Variants in ARHGEF9 observed in about 807,000 individuals in gnomAD.
ARHGEF9 encodes Cdc42 guanine nucleotide exchange factor 9, also known as rho guanine nucleotide exchange factor 9.
A neutral mutation model predicts 41.3 loss-of-function variants in ARHGEF9; 2 were observed. The ratio of observed to expected loss-of-function variants is 0.05; its 90% CI spans 0.02 to 0.15. The LOEUF (loss-of-function observed/expected upper bound fraction) is 0.15. ARHGEF9 is among the 10% of genes least tolerant of loss of function. ARHGEF9 has a pLI of 1.00. For missense variants in ARHGEF9, 225 were observed against 424.7 expected, an observed-to-expected ratio of 0.53 and a Z score of 4.13; for synonymous variants, 160 against 154.4, an observed-to-expected ratio of 1.04 and a Z score of -0.27.
chrX:63,662,666 C>T (rs1351531440), intron 7 of ARHGEF9, among the ~76,000 whole-genome samples: 6 of 111,724 alleles, frequency 5.4e-5, no homozygotes, highest in African/African-American at 2.0e-4. Context: ...TTATCTAGGT[C>T]TCACTTTACA....
intron 1 of ARHGEF9, among the ~76,000 whole-genome samples, chrX:63,777,225 C>A (rs1194007284): frequency 9.0e-6 from 1 of 111,349 alleles, no homozygotes; most frequent in Non-Finnish European, 1.9e-5. Context: ...CACATGGAGG[C>A]AGCAAGGAGA....
intron 1 of ARHGEF9, among the ~76,000 whole-genome samples, chrX:63,736,820 C>T: frequency 9.0e-6 from 1 of 111,356 alleles, no homozygotes; most frequent in Non-Finnish European, 1.9e-5. Context: ...CTCAAATATA[C>T]ACAATAAAAT....
chrX:63,746,059 A>G (rs2055254130), intron 1 of ARHGEF9, among the ~76,000 whole-genome samples: 1 of 112,113 alleles, frequency 8.9e-6, no homozygotes, highest in African/African-American at 3.2e-5. Flanking sequence ...CTAGGTGGGA[A>G]GGGCCTTGAT....
chrX:63,645,335 G>C (rs782588585), intron 8 of ARHGEF9, among the ~76,000 whole-genome samples: 5 of 109,792 alleles, frequency 4.6e-5, no homozygotes, highest in African/African-American at 1.7e-4. Context: ...CCATTAACTC[G>C]TCATTTAACA....
At chrX:63,690,721 T>C (rs1254786013) in intron 4 of ARHGEF9, among the ~76,000 whole-genome samples, 1 of 111,452 alleles carries the variant, frequency 9.0e-6, no homozygotes, top group Non-Finnish European at 1.9e-5. Context: ...CAAACATAGA[T>C]GCAAAAATTC....
At chrX:63,668,815 G>A (rs2049755059) in intron 6 of ARHGEF9, among the ~76,000 whole-genome samples, 1 of 112,279 alleles carries the variant, frequency 8.9e-6, no homozygotes, top group Non-Finnish European at 1.9e-5. Flanking sequence ...GAAATTGGAA[G>A]TAATTTGCCC....
Position 63,663,021 on chromosome X carries a change from C to T in ARHGEF9, c.1077+2865G>A, listed in dbSNP as rs1486850326. Among the ~76,000 whole-genome samples, 45 of 111,669 alleles carry T rather than the reference C, an allele frequency of 4.0e-4. 1 individual carries two copies. Among genetic ancestry groups the T allele is most frequent in the African/African-American group, 1.4e-3 (42 of 30,792 alleles). ...AACATCATACTTAAGTTCTGTTAGACTAGAATCCTTATGAAAGTAGAGCTG... is the reference window on the plus strand; with the variant it reads ...AACATCATACTTAAGTTCTGTTAGATTAGAATCCTTATGAAAGTAGAGCTG... On this transcript the variant is annotated intron_variant, in intron 7 of 9. Transcript: ENST00000671741.
Position 63,674,301 on chromosome X carries a change from C to G in ARHGEF9, c.816-134G>C, listed in dbSNP as rs1195112482. 7.6e-6 allele frequency: 5 copies of G among 660,985 alleles called. No individual in the cohort carries two copies. The Admixed American group carries it at 1.4e-4, about 19-fold the overall frequency. The allele number at this position is 660,985 out of a possible 1,213,427, so 54.5% of individuals were successfully genotyped here. On this transcript the variant is annotated intron_variant, in intron 5 of 9. Coordinates refer to ENST00000671741, the MANE Select transcript of ARHGEF9 (RefSeq NM_001353921.2). ...CTGATTTTCAGATGGGAACCCACAC[C>G]ACCTAAAGACTACATTTTCTATCTT...
chrX:63,723,453 G>C (rs1484089382), intron 2 of ARHGEF9, among the ~76,000 whole-genome samples: 2 of 111,556 alleles, frequency 1.8e-5, no homozygotes, highest in Non-Finnish European at 3.8e-5. Context: ...CCTTTTGTTT[G>C]GGGTCTAGAA....
intron 4 of ARHGEF9, among the ~76,000 whole-genome samples, chrX:63,693,222 G>C (rs1378354024): frequency 3.6e-5 from 4 of 112,071 alleles, no homozygotes; most frequent in African/African-American, 1.3e-4. Context: ...ATAATTAATT[G>C]CTTGTTTCAA....
At chrX:63,703,805 T>A (rs1447439533) in intron 3 of ARHGEF9, among the ~76,000 whole-genome samples, 2 of 111,719 alleles carry the variant, frequency 1.8e-5, no homozygotes, top group Non-Finnish European at 3.8e-5. Context: ...TTCAATAGAA[T>A]GCTTAGAGAA....
chrX:63,652,859 T>C (rs1241157771), intron 8 of ARHGEF9, among the ~76,000 whole-genome samples: 2 of 110,822 alleles, frequency 1.8e-5, no homozygotes, highest in Admixed American at 9.6e-5. Context: ...GTTCTCATGA[T>C]AGTGGGTGAG....
chrX:63,724,905 C>T (rs2053866442), intron 1 of ARHGEF9, 194 bp from the exon 2 acceptor site: 1 of 458,359 alleles, frequency 2.2e-6, no homozygotes, highest in African/African-American at 2.4e-5. Flanking sequence ...CTCTGTTAGC[C>T]AGTGCATGGA....
At chrX:63,729,010 A>T (rs1414598144) in intron 1 of ARHGEF9, among the ~76,000 whole-genome samples, 1 of 111,598 alleles carries the variant, frequency 9.0e-6, no homozygotes, top group Non-Finnish European at 1.9e-5. Flanking sequence ...AAGGTGAGTG[A>T]AGTCATGTTT....
At chrX:63,781,535 C>T (rs782211432) in intron 1 of ARHGEF9, among the ~76,000 whole-genome samples, 3 of 111,553 alleles carry the variant, frequency 2.7e-5, no homozygotes, top group South Asian at 3.8e-4. Flanking sequence ...TCTGAGGGTC[C>T]GAGCAGGTGA....
At chrX:63,752,259 G>C (rs1242340936) in intron 1 of ARHGEF9, among the ~76,000 whole-genome samples, 1 of 86,666 alleles carries the variant, frequency 1.2e-5, no homozygotes, top group Non-Finnish European at 2.1e-5. Flanking sequence ...GAACTTGGAA[G>C]TCACCTAGTG....
rs1222250578 is a variant in ARHGEF9, at chrX:63,682,375, C to T, written c.583-3803G>A. On this transcript the variant is annotated intron_variant, in intron 4 of 9. Coordinates refer to ENST00000671741, the MANE Select transcript of ARHGEF9 (RefSeq NM_001353921.2). ...TAAAAATACAAAAAAATTAGCCAGG[C>T]GTGGTGGCGGGCGCCTGTAGTCCCA... Among the ~76,000 whole-genome samples the T allele has an allele frequency of 1.1e-4, 12 of 109,637 alleles. No homozygotes were observed. In the Admixed American group the frequency reaches 1.2e-3, roughly 11 times the overall value.
In ARHGEF9 at chrX:63,636,075, T is replaced by A. The variant is rs1359954096; in HGVS notation, c.*1953A>T. The A allele has an allele frequency of 1.2e-4, 13 of 112,231 alleles. No individual in the cohort carries two copies. Among genetic ancestry groups the A allele is most frequent in the Admixed American group, 8.5e-4 (9 of 10,609 alleles). 9.2% of individuals were successfully genotyped at this position (112,231 alleles called of 1,213,427 possible). ...GAATATAAACTTAAATAGCTTGTAA[T>A]TTGATTCCCACAAAGAAAAGATTCC... On this transcript the variant is annotated 3_prime_UTR_variant, in exon 10 of 10. Coordinates refer to ENST00000671741, the MANE Select transcript of ARHGEF9 (RefSeq NM_001353921.2).
At chrX:63,641,925 G>A (rs1442894736) in intron 9 of ARHGEF9, 5 of 111,406 alleles carry the variant, frequency 4.5e-5, no homozygotes, top group African/African-American at 1.6e-4. Context: ...TAGCCTCCAA[G>A]CCTACACCTT....
Sources: allele counts gnomAD v4.1 joint callset (sites outside exome capture counted in the v4.1 genomes callset), GRCh38; gene constraint gnomAD v4.1.1; transcripts MANE v1.5; gene names NCBI Gene and HGNC (gene_info 2026-07-23, HGNC 2026-07-21).